Variants in IRAG1 observed in about 807,000 individuals in gnomAD.
The protein encoded by IRAG1 is IP3R-associated cGMP kinase substrate.
Under a neutral mutation model 106.2 loss-of-function variants are expected in IRAG1, and 62 were observed. The ratio of observed to expected loss-of-function variants is 0.58; its 90% CI spans 0.48 to 0.72. The LOEUF (loss-of-function observed/expected upper bound fraction) is 0.72. Ranked by LOEUF, IRAG1 falls within the 30% of genes least tolerant of loss-of-function variation. The pLI, the probability that IRAG1 is intolerant of heterozygous loss-of-function variation, is 0.00. For synonymous variants in IRAG1, 462 were observed against 443.9 expected, an observed-to-expected ratio of 1.04 and a Z score of -0.51; for missense variants, 1,064 against 1,140.7, an observed-to-expected ratio of 0.93 and a Z score of 0.97.
intron 18 of IRAG1, among the ~76,000 whole-genome samples, chr11:10,582,859 G>C (rs1023957124): frequency 3.3e-5 from 5 of 152,188 alleles, no homozygotes; most frequent in African/African-American, 1.2e-4. Context: ...AGGAGGCTGA[G>C]GCAAGAGAAT....
intron 10 of IRAG1, among the ~76,000 whole-genome samples, chr11:10,622,876 G>GACACACACACAC (rs10525799): frequency 0.015 from 2,099 of 141,452 alleles, 29 homozygotes; most frequent in Middle Eastern, 0.053. Flanking sequence ...GTAAGCAGTG[G>GACACACACACAC]ACACACACAC....
chr11:10,676,783 C>T (rs1215367956), intron 1 of IRAG1, among the ~76,000 whole-genome samples: 2 of 152,222 alleles, frequency 1.3e-5, no homozygotes, highest in Non-Finnish European at 2.9e-5. Context: ...TGCTAATTTG[C>T]TAATCTAATT....
Position 10,594,155 on chromosome 11 carries a change from C to A in IRAG1, c.2058G>T (p.Thr686=). 1 of 1,608,682 alleles carries A rather than the reference C, an allele frequency of 6.2e-7. No homozygotes were observed. The highest frequency in any genetic ancestry group is 8.5e-7 in the Non-Finnish European group (1 of 1,177,702). The change falls in exon 16 of 21, where the codon ACG becomes ACT. Residue 686 remains threonine, a synonymous_variant. Transcript: ENST00000423302. ...CCTTGAACATGCATACCTTTCCCAG[C>A]GTGAGGGACATGGACCGTGCCGTGC... is the stretch of plus-strand genomic sequence containing the variant. ...VPRTARSMSL[T]LGKNMPRRRV...
chr11:10,643,176 CAAAAA>C (rs10679269), intron 2 of IRAG1, among the ~76,000 whole-genome samples: 2 of 60,246 alleles, frequency 3.3e-5, no homozygotes, highest in African/African-American at 1.5e-4. Context: ...GACTCCGTCT[CAAAAA>C]AAAAAAAAAA....
chr11:10,605,196 C>T (rs1004582322), intron 12 of IRAG1, among the ~76,000 whole-genome samples: 5 of 152,188 alleles, frequency 3.3e-5, no homozygotes, highest in Non-Finnish European at 5.9e-5. Context: ...ACATGGAATT[C>T]CCAGAACAGT....
intron 1 of IRAG1, among the ~76,000 whole-genome samples, chr11:10,683,248 G>A (rs1000972805): frequency 2.0e-5 from 3 of 151,720 alleles, no homozygotes; most frequent in Middle Eastern, 3.2e-3. Flanking sequence ...TGTTTTTCCT[G>A]AAGGGTGACA....
chr11:10,632,791 CATT>C (rs1268516996), intron 3 of IRAG1, among the ~76,000 whole-genome samples: 1 of 152,208 alleles, frequency 6.6e-6, no homozygotes, highest in Non-Finnish European at 1.5e-5. Context: ...AAATGTAAAT[CATT>C]GTTGTCTGAC....
chr11:10,669,755 C>A (rs557767790), intron 1 of IRAG1, among the ~76,000 whole-genome samples: 2 of 152,248 alleles, frequency 1.3e-5, no homozygotes, highest in East Asian at 3.9e-4. Flanking sequence ...ACCCTCCTTG[C>A]AGACACCCCC....
At chr11:10,593,861 G>A in intron 16 of IRAG1, 1 of 572,546 alleles carries the variant, frequency 1.7e-6, no homozygotes, top group Non-Finnish European at 3.1e-6. Flanking sequence ...TGACCCCACA[G>A]TCTCTGGGTA....
chr11:10,631,975 T>C lies in IRAG1; in HGVS notation c.400+16A>G. On this transcript the variant is annotated intron_variant, in intron 4 of 20. Coordinates refer to ENST00000423302, the MANE Select transcript of IRAG1 (RefSeq NM_130385.4). ...GTCTTTCTACTCAACATGCCTTAGATTGCCCTGGTCCTTACCCACAGATGT... is the reference window on the plus strand; with the variant it reads ...GTCTTTCTACTCAACATGCCTTAGACTGCCCTGGTCCTTACCCACAGATGT... The C allele has an allele frequency of 6.2e-7, 1 of 1,611,638 alleles. No homozygotes were observed. The highest frequency in any genetic ancestry group is 1.1e-5 in the South Asian group (1 of 90,996).
intron 18 of IRAG1, among the ~76,000 whole-genome samples, chr11:10,583,650 A>G (rs1479163996): frequency 6.6e-6 from 1 of 152,192 alleles, no homozygotes; most frequent in Non-Finnish European, 1.5e-5. Flanking sequence ...AAGTAGGTCA[A>G]GGGAGGATGC....
intron 10 of IRAG1, among the ~76,000 whole-genome samples, chr11:10,621,562 C>T (rs747861422): frequency 5.9e-5 from 9 of 152,194 alleles, no homozygotes; most frequent in Non-Finnish European, 1.0e-4. Flanking sequence ...TACAGATCAG[C>T]TTGTCTGAAA....
intron 5 of IRAG1, 73 bp downstream of exon 5, chr11:10,629,465 A>T (rs1856523784): frequency 1.3e-6 from 2 of 1,518,218 alleles, no homozygotes; most frequent in East Asian, 4.6e-5. Flanking sequence ...CGCCCACTGC[A>T]GCTGGTGCCA....
chr11:10,623,898 ACTGGG>A, intron 9 of IRAG1, 42 bp from the exon 10 acceptor site: 2 of 1,565,524 alleles, frequency 1.3e-6, no homozygotes, highest in Non-Finnish European at 1.8e-6. Flanking sequence ...AGATGATGAC[ACTGGG>A]CTGGGCTGTT....
chr11:10,605,075 T>G (rs898207940), intron 12 of IRAG1, among the ~76,000 whole-genome samples: 1 of 152,224 alleles, frequency 6.6e-6, no homozygotes, highest in African/African-American at 2.4e-5. Context: ...GCCAGGAGAT[T>G]AAATAAGGCC....
Position 10,628,360 on chromosome 11 carries a change from T to C in IRAG1, c.653-335A>G, listed in dbSNP as rs1591635062. 6.6e-6 allele frequency among the ~76,000 whole-genome samples: 1 copy of C among 152,154 alleles called. No homozygotes were observed. Among genetic ancestry groups the C allele is most frequent in the East Asian group, 1.9e-4 (1 of 5,178 alleles). On this transcript the variant is annotated intron_variant, in intron 6 of 20. Coordinates refer to ENST00000423302, the MANE Select transcript of IRAG1 (RefSeq NM_130385.4). The surrounding 1 kb of genome is among the most constrained non-coding windows in gnomAD (Gnocchi z 4.1). ...TCCTGGCACCCTCCCCCTTTCCTTG[T>C]TGGCTGGAGGGTGTGACTCTGGGTA...
chr11:10,592,463 T>C (rs564651603), intron 17 of IRAG1, among the ~76,000 whole-genome samples: 5 of 152,232 alleles, frequency 3.3e-5, no homozygotes, highest in Admixed American at 1.3e-4. Context: ...GTTGATTTCA[T>C]AGACGACTGA....
At chr11:10,684,646 T>TAATAAA (rs1589979434) in intron 1 of IRAG1, among the ~76,000 whole-genome samples, 5 of 141,152 alleles carry the variant, frequency 3.5e-5, no homozygotes, top group African/African-American at 7.8e-5. Context: ...ATAATAATAA[T>TAATAAA]AAAGAGAAAA....
At chr11:10,674,229 G>A (rs1337830908) in intron 1 of IRAG1, among the ~76,000 whole-genome samples, 1 of 152,152 alleles carries the variant, frequency 6.6e-6, no homozygotes, top group Non-Finnish European at 1.5e-5. Context: ...AATTCAAGAT[G>A]CTCCAGAAGT....
Sources: allele counts gnomAD v4.1 joint callset (sites outside exome capture counted in the v4.1 genomes callset), GRCh38; gene constraint gnomAD v4.1.1; non-coding constraint Gnocchi (gnomAD v3.1); transcripts MANE v1.5; gene names NCBI Gene and HGNC (gene_info 2026-07-23, HGNC 2026-07-21).